The following SLC2A12 variants were observed in gnomAD, a reference collection of about 807,000 sequenced individuals.
SLC2A12 encodes the protein solute carrier family 2, facilitated glucose transporter member 12.
In SLC2A12, 23 loss-of-function variants were observed where a neutral mutation model predicts 41.8. The ratio of observed to expected loss-of-function variants is 0.55; its 90% CI spans 0.40 to 0.78. SLC2A12 has a LOEUF of 0.78. Among genes scored for constraint, SLC2A12 ranks in the 30% least tolerant of loss-of-function variants. The pLI is 0.00. For synonymous variants in SLC2A12, 295 were observed against 285.9 expected (o/e 1.03, Z -0.32); for missense variants, 654 against 745.6 (o/e 0.88, Z 1.43).
At chr6:134,052,125 T>C (rs1192880042) in intron 1 of SLC2A12, among the ~76,000 whole-genome samples, 1 of 152,134 alleles carries the variant, frequency 6.6e-6, no homozygotes, top group African/African-American at 2.4e-5. Context: ...TGTATTTTCT[T>C]GGCACATAAG....
chr6:134,015,567 T>C (rs1776949179), intron 2 of SLC2A12, among the ~76,000 whole-genome samples: 1 of 152,202 alleles, frequency 6.6e-6, no homozygotes, highest in Non-Finnish European at 1.5e-5. Flanking sequence ...TATGTAATTA[T>C]CCCATAAGAA....
chr6:134,032,426 T>TATATATATATA (rs1777223371), intron 1 of SLC2A12, among the ~76,000 whole-genome samples: 1 of 35,506 alleles, frequency 2.8e-5, no homozygotes, highest in Non-Finnish European at 5.8e-5. Flanking sequence ...ATATATATAT[T>TATATATATATA]TATATATATA....
chr6:134,028,361 T>C lies in SLC2A12; in HGVS notation c.1444+20A>G, dbSNP rs1215368173. The C allele has an allele frequency of 7.0e-6, 11 of 1,578,600 alleles. No individual in the cohort carries two copies. Among genetic ancestry groups the C allele is most frequent in the South Asian group, 3.6e-5 (3 of 84,310 alleles). ...GCTCTGACTGGTCAAAAGCAATACATTAAAGAATAAAGTACTTACTTGGTC... is the reference window on the plus strand; with the variant it reads ...GCTCTGACTGGTCAAAAGCAATACACTAAAGAATAAAGTACTTACTTGGTC... On this transcript the variant is annotated intron_variant, in intron 2 of 4. Transcript: ENST00000275230.
rs192576743 is a variant in SLC2A12, at chr6:134,043,372, C to A, written c.103+9006G>T. The stretch of plus-strand genomic sequence containing the variant: ...GGCATGTGGATTTAACCATAAGGGG[C>A]CTGCAACTATTTTTATTTTAAAATT... On this transcript the variant is annotated intron_variant, in intron 1 of 4. Transcript: ENST00000275230. Among the ~76,000 whole-genome samples the A allele has an allele frequency of 1.6e-3, 237 of 152,096 alleles. 2 individuals carry two copies. The South Asian group carries it at 0.019, about 12-fold the overall frequency.
At chr6:134,043,886 A>G (rs923608513) in intron 1 of SLC2A12, among the ~76,000 whole-genome samples, 19 of 151,792 alleles carry the variant, frequency 1.3e-4, no homozygotes, top group African/African-American at 4.4e-4. Context: ...TACTTAGTTC[A>G]CAAAAGTTTT....
chr6:134,049,172 C>T (rs1356128480), intron 1 of SLC2A12, among the ~76,000 whole-genome samples: 1 of 152,182 alleles, frequency 6.6e-6, no homozygotes, highest in Non-Finnish European at 1.5e-5. Flanking sequence ...TTCTTAAATT[C>T]CAGACTGTGG....
intron 2 of SLC2A12, among the ~76,000 whole-genome samples, chr6:134,013,674 T>C (rs1373107074): frequency 2.3e-5 from 3 of 130,786 alleles, no homozygotes; most frequent in Non-Finnish European, 5.2e-5. Flanking sequence ...ACTTAATTCT[T>C]TAAGTAAAAC....
At chr6:134,051,668 A>G (rs2114522497) in intron 1 of SLC2A12, among the ~76,000 whole-genome samples, 1 of 152,328 alleles carries the variant, frequency 6.6e-6, no homozygotes, top group African/African-American at 2.4e-5. Context: ...CCTCTGATTT[A>G]TCAAAGATCA....
At chr6:134,008,709 T>C (rs970089545) in intron 2 of SLC2A12, among the ~76,000 whole-genome samples, 1 of 152,242 alleles carries the variant, frequency 6.6e-6, no homozygotes, top group African/African-American at 2.4e-5. Context: ...TGAAGACCTG[T>C]CCTCGGACAA....
chr6:134,003,827 C>T (rs1238377805), intron 3 of SLC2A12, among the ~76,000 whole-genome samples: 1 of 152,200 alleles, frequency 6.6e-6, no homozygotes, highest in African/African-American at 2.4e-5. Flanking sequence ...CTGCAGAGTA[C>T]ATTTGTCTAT....
intron 4 of SLC2A12, among the ~76,000 whole-genome samples, chr6:134,000,208 T>A (rs536764269): frequency 1.2e-3 from 185 of 152,300 alleles, no homozygotes; most frequent in African/African-American, 4.2e-3. Context: ...TCAAAAAAAA[T>A]TAGCCTTATA....
At chr6:134,020,241 C>T (rs889113151) in intron 2 of SLC2A12, among the ~76,000 whole-genome samples, 1 of 152,140 alleles carries the variant, frequency 6.6e-6, no homozygotes, top group Non-Finnish European at 1.5e-5. Context: ...CTAAGCCAAT[C>T]CATATTTAAG....
chr6:134,050,585 C>T (rs1232741648), intron 1 of SLC2A12, among the ~76,000 whole-genome samples: 2 of 152,108 alleles, frequency 1.3e-5, no homozygotes, highest in African/African-American at 2.4e-5. Context: ...CCTTCAAAGC[C>T]ATATCAAAAT....
At chr6:134,021,141 C>G (rs1422962765) in intron 2 of SLC2A12, among the ~76,000 whole-genome samples, 3 of 152,092 alleles carry the variant, frequency 2.0e-5, no homozygotes, top group Admixed American at 6.5e-5. Context: ...CAAAAAGCCT[C>G]GTGATGGTGT....
At chr6:134,025,043 T>C (rs1368728010) in intron 2 of SLC2A12, among the ~76,000 whole-genome samples, 1 of 152,222 alleles carries the variant, frequency 6.6e-6, no homozygotes, top group African/African-American at 2.4e-5. Context: ...AAAAAGTACA[T>C]GTTCACTTAC....
At chr6:134,045,714 A>G (rs979631673) in intron 1 of SLC2A12, among the ~76,000 whole-genome samples, 2 of 152,266 alleles carry the variant, frequency 1.3e-5, no homozygotes, top group Admixed American at 1.3e-4. Context: ...ATCTGAAGGG[A>G]TTACAGTAGT....
intron 1 of SLC2A12, among the ~76,000 whole-genome samples, chr6:134,043,179 G>C (rs1210546563): frequency 6.6e-6 from 1 of 152,150 alleles, no homozygotes; most frequent in Non-Finnish European, 1.5e-5. Flanking sequence ...GGGGGCTGCT[G>C]TCATCTAAGA....
intron 2 of SLC2A12, among the ~76,000 whole-genome samples, chr6:134,025,810 G>T (rs1213206131): frequency 6.6e-6 from 1 of 152,206 alleles, no homozygotes; most frequent in African/African-American, 2.4e-5. Context: ...GCCTCCCAAA[G>T]TGTTGGGATT....
rs1776589369 is a variant in SLC2A12 at position 133,989,490 on chromosome 6, A to G, written c.*1665T>C. Reference sequence around the variant, plus strand: ...CTGAAGTATATATAGAGTTTGAACTATAAACACGGAAGGAAACATGGGGCA... The same window carrying G: ...CTGAAGTATATATAGAGTTTGAACTGTAAACACGGAAGGAAACATGGGGCA... On this transcript the variant is annotated 3_prime_UTR_variant, in exon 5 of 5. Coordinates refer to ENST00000275230, the MANE Select transcript of SLC2A12 (RefSeq NM_145176.3). 1 of 152,200 alleles carries G rather than the reference A, an allele frequency of 6.6e-6. No individual in the cohort carries two copies. Among genetic ancestry groups the G allele is most frequent in the African/African-American group, 2.4e-5 (1 of 41,444 alleles). The allele number at this position is 152,200 out of a possible 1,614,324, so 9.4% of individuals were successfully genotyped here.
Sources: gnomAD v4.1 joint callset for allele counts (sites outside exome capture counted in the v4.1 genomes callset) on GRCh38, gnomAD v4.1.1 for gene constraint, MANE v1.5 for transcripts, NCBI Gene and HGNC (gene_info 2026-07-23, HGNC 2026-07-21) for gene names.